Variants in NTN1 observed in about 807,000 individuals in gnomAD.
NTN1 encodes netrin 1, also known as netrin-1.
A neutral mutation model predicts 54.2 loss-of-function variants in NTN1; 11 were observed. The ratio of observed to expected loss-of-function variants is 0.20; its 90% CI spans 0.13 to 0.34. The LOEUF (loss-of-function observed/expected upper bound fraction) is 0.34. Among genes scored for constraint, NTN1 ranks in the 10% least tolerant of loss-of-function variants. NTN1 has a pLI of 1.00. For missense variants in NTN1, 740 were observed against 893.1 expected (o/e 0.83, Z 2.18); for synonymous variants, 371 against 382.0 (o/e 0.97, Z 0.33).
chr17:9,069,139 T>C (rs939218033), intron 2 of NTN1, among the ~76,000 whole-genome samples: 6 of 152,144 alleles, frequency 3.9e-5, no homozygotes, highest in Non-Finnish European at 7.3e-5. Flanking sequence ...CCAGGAGCAC[T>C]GTATTGATGA....
chr17:9,194,631 A>G (rs1008913003), intron 5 of NTN1, among the ~76,000 whole-genome samples: 2 of 151,908 alleles, frequency 1.3e-5, no homozygotes, highest in African/African-American at 4.8e-5. Context: ...GCCAGCACCT[A>G]CCCTCTGGCC....
At chr17:9,061,588 A>G (rs1289983436) in intron 2 of NTN1, among the ~76,000 whole-genome samples, 1 of 152,204 alleles carries the variant, frequency 6.6e-6, no homozygotes, top group African/African-American at 2.4e-5. Context: ...TTGATATCTA[A>G]CAAGTGCCCA....
chr17:9,144,407 TGAG>T (rs1567721244), intron 2 of NTN1, among the ~76,000 whole-genome samples: 1 of 152,130 alleles, frequency 6.6e-6, no homozygotes, highest in East Asian at 1.9e-4. Flanking sequence ...ATAAGGAAAC[TGAG>T]GCATAGAGGT....
intron 2 of NTN1, among the ~76,000 whole-genome samples, chr17:9,057,760 T>C (rs958779151): frequency 1.3e-5 from 2 of 152,260 alleles, no homozygotes; most frequent in Non-Finnish European, 2.9e-5. Flanking sequence ...ACGTGGCTCC[T>C]TTAAGTGCAA....
chr17:9,217,818 T>C (rs1324352366), intron 5 of NTN1, among the ~76,000 whole-genome samples: 1 of 135,524 alleles, frequency 7.4e-6, no homozygotes, highest in African/African-American at 2.9e-5. Flanking sequence ...CACACTGATC[T>C]GACAAGAATT....
intron 2 of NTN1, among the ~76,000 whole-genome samples, chr17:9,130,054 C>T (rs1294948927): frequency 6.6e-6 from 1 of 152,110 alleles, no homozygotes; most frequent in South Asian, 2.1e-4. Flanking sequence ...TGTCTTGGTG[C>T]CTGAAAGCCA....
At chr17:9,080,420 CT>C (rs1344060480) in intron 2 of NTN1, among the ~76,000 whole-genome samples, 7 of 152,376 alleles carry the variant, frequency 4.6e-5, no homozygotes, top group African/African-American at 1.7e-4. Context: ...TTATCCATCT[CT>C]GTTCCAGTCT....
chr17:9,018,008 A>G (rs1455491545), upstream of NTN1, among the ~76,000 whole-genome samples: 5 of 152,190 alleles, frequency 3.3e-5, no homozygotes, highest in Non-Finnish European at 7.4e-5. Context: ...CTGAAGAGGC[A>G]GAGAACCTTG....
At chr17:9,182,801 G>C in intron 4 of NTN1, 115 bp from the exon 5 acceptor site, 1 of 1,033,050 alleles carries the variant, frequency 9.7e-7, no homozygotes, top group Non-Finnish European at 1.5e-6. Context: ...AAACGGAGGG[G>C]AGGGTCCCAG....
chr17:9,225,394 G>A (rs567618690), intron 6 of NTN1, among the ~76,000 whole-genome samples: 7 of 152,336 alleles, frequency 4.6e-5, no homozygotes, highest in African/African-American at 1.7e-4. Flanking sequence ...GAGCCCTGCG[G>A]GGTGGGGTGG....
At chr17:9,069,162 C>T (rs969723244) in intron 2 of NTN1, among the ~76,000 whole-genome samples, 16 of 151,994 alleles carry the variant, frequency 1.1e-4, no homozygotes, top group Middle Eastern at 3.2e-3. Context: ...TTCACAATCC[C>T]GTGGGGATAA....
At chr17:9,134,479 A>T (rs985361740) in intron 2 of NTN1, among the ~76,000 whole-genome samples, 1 of 152,198 alleles carries the variant, frequency 6.6e-6, no homozygotes, top group Admixed American at 6.5e-5. Flanking sequence ...TGGTCCTTGT[A>T]TATTAGAATC....
At chr17:9,234,602 C>G (rs1905919247) in intron 6 of NTN1, among the ~76,000 whole-genome samples, 1 of 152,232 alleles carries the variant, frequency 6.6e-6, no homozygotes, top group Admixed American at 6.5e-5. Flanking sequence ...ACATCCGAAC[C>G]CTGGTTTTGT....
intron 2 of NTN1, among the ~76,000 whole-genome samples, chr17:9,150,789 A>G (rs1233112527): frequency 6.7e-6 from 1 of 148,326 alleles, no homozygotes; most frequent in African/African-American, 2.5e-5. Context: ...GTTTACAGAG[A>G]AAAAAAAAAA....
At chr17:9,161,507 T>C (rs12938615) in intron 2 of NTN1, among the ~76,000 whole-genome samples, 63,298 of 151,848 alleles carry the variant, frequency 0.42, 13,477 homozygotes, top group East Asian at 0.51. Flanking sequence ...GGGCTGAGTG[T>C]GGTGGCTCAC....
At chr17:9,019,686 C>T (rs1341935890), upstream of NTN1, among the ~76,000 whole-genome samples, 1 of 152,230 alleles carries the variant, frequency 6.6e-6, no homozygotes, top group Non-Finnish European at 1.5e-5. Flanking sequence ...TCCATAGTCA[C>T]ACAGCAGAGG....
At chr17:9,125,753 G>A (rs138698676) in intron 2 of NTN1, among the ~76,000 whole-genome samples, 1,569 of 151,932 alleles carry the variant, frequency 0.01, 29 homozygotes, top group African/African-American at 0.035. Context: ...TTACAGGCGT[G>A]AGCCACCATG....
chr17:9,155,055 G>T lies in NTN1; in HGVS notation c.1019-7758G>T, dbSNP rs74877847. ...TGGGGCAGCGCTGGCAGAATATCCC[G>T]TCTGTGCTCCGACTCTCTTCTCAGG... On this transcript the variant is annotated intron_variant, in intron 2 of 6. Coordinates refer to ENST00000173229, the MANE Select transcript of NTN1 (RefSeq NM_004822.3). Among the ~76,000 whole-genome samples the T allele has an allele frequency of 1.7e-4, 26 of 152,264 alleles. No homozygotes were observed. The South Asian group carries it at 5.4e-3, about 32-fold the overall frequency.
intron 2 of NTN1, among the ~76,000 whole-genome samples, chr17:9,043,229 G>A (rs2091928627): frequency 6.6e-6 from 1 of 151,462 alleles, no homozygotes; most frequent in South Asian, 2.1e-4. Context: ...CTCTCTCTTT[G>A]CCTAGGTTTG....
Sources: allele counts gnomAD v4.1 joint callset (sites outside exome capture counted in the v4.1 genomes callset), GRCh38; gene constraint gnomAD v4.1.1; transcripts MANE v1.5; gene names NCBI Gene and HGNC (gene_info 2026-07-23, HGNC 2026-07-21).